The following PRICKLE1 variants were observed in gnomAD, a reference collection of about 807,000 sequenced individuals.
PRICKLE1 encodes the protein prickle planar cell polarity protein 1, also known as prickle-like protein 1.
PRICKLE1 carries 14 observed loss-of-function variants against 70.2 expected under a neutral mutation model. The observed-to-expected ratio is 0.20, with a 90% CI of 0.13 to 0.31. The LOEUF (loss-of-function observed/expected upper bound fraction) is 0.31, where lower values mean the gene tolerates loss of function less well. Among genes scored for constraint, PRICKLE1 ranks in the 10% least tolerant of loss-of-function variants. The pLI, the probability that PRICKLE1 is intolerant of heterozygous loss-of-function variation, is 1.00. For synonymous variants in PRICKLE1, 357 were observed against 379.9 expected, an observed-to-expected ratio of 0.94 and a Z score of 0.70; for missense variants, 821 against 1,026.2, an observed-to-expected ratio of 0.80 and a Z score of 2.73.
intron 1 of PRICKLE1, chr12:42,482,644 A>G (rs1211049429): frequency 6.6e-6 from 1 of 152,252 alleles, no homozygotes; most frequent in Non-Finnish European, 1.5e-5. Context: ...ACTTCAAGAA[A>G]GTGTTTGAGA....
chr12:42,468,557 G>A, intron 5 of PRICKLE1, 69 bp downstream of exon 5: 1 of 1,405,678 alleles, frequency 7.1e-7, no homozygotes, highest in Non-Finnish European at 1.0e-6. Context: ...TTTGCTTGAT[G>A]TAAACAGTGG....
chr12:42,485,916 A>T (rs541107729), intron 1 of PRICKLE1, among the ~76,000 whole-genome samples: 9 of 152,306 alleles, frequency 5.9e-5, no homozygotes, highest in African/African-American at 2.2e-4. Flanking sequence ...CAGTGTGGAG[A>T]CAGTTGCAAG....
Position 42,460,651 on chromosome 12 carries a change from C to T in PRICKLE1, c.1654G>A (p.Gly552Arg). 1.2e-6 allele frequency: 2 copies of T among 1,609,652 alleles called. No individual in the cohort carries two copies. The highest frequency in any genetic ancestry group is 2.2e-5 in the East Asian group (1 of 44,880). The change falls in exon 8 of 8, where the codon GGA becomes AGA. Residue 552 changes from glycine to arginine, a missense_variant. Gly to Arg is a moderately radical substitution (Grantham distance 125, BLOSUM62 -2). Transcript: ENST00000345127. ...LSNITGASVD[G>R]ENKPRPSLYS... ...AATGATGGCCTTGGCTTGTTTTCTCCATCCACCGAAGCCCCTAGAAGAGAG... is the reference window on the plus strand; with the variant it reads ...AATGATGGCCTTGGCTTGTTTTCTCTATCCACCGAAGCCCCTAGAAGAGAG...
intron 1 of PRICKLE1, among the ~76,000 whole-genome samples, chr12:42,488,785 C>G (rs1048280706): frequency 1.3e-5 from 2 of 152,134 alleles, no homozygotes; most frequent in South Asian, 4.2e-4. Flanking sequence ...TATTTAGATA[C>G]TATAAATACC....
At chr12:42,516,201 G>A (rs1210116446) in intron 1 of PRICKLE1, among the ~76,000 whole-genome samples, 4 of 151,692 alleles carry the variant, frequency 2.6e-5, no homozygotes, top group South Asian at 2.1e-4. Context: ...GTGCAATCTC[G>A]GCTCACTGCA....
chr12:42,482,315 T>C (rs935893), intron 1 of PRICKLE1, among the ~76,000 whole-genome samples: 14,155 of 152,292 alleles, frequency 0.093, 793 homozygotes, highest in Middle Eastern at 0.14. Flanking sequence ...TAGGGTCAGA[T>C]TATCCGCACA....
intron 1 of PRICKLE1, among the ~76,000 whole-genome samples, chr12:42,513,239 G>C (rs1939547396): frequency 6.6e-6 from 1 of 152,156 alleles, no homozygotes; most frequent in Non-Finnish European, 1.5e-5. Context: ...TGGGATTACA[G>C]GGGTGAGCCA....
rs888541642 is a variant in PRICKLE1 at position 42,465,169 on chromosome 12, A to G, written c.865T>C (p.Leu289=). ...TGTTTGGGAAGGAAGGGACATCCCAACAAAGAGGCTTTACACTGGGCACAA... is the reference window on the plus strand; with the variant it reads ...TGTTTGGGAAGGAAGGGACATCCCAGCAAAGAGGCTTTACACTGGGCACAA... ...FSCAQCKASL[L]GCPFLPKQGQ... The change falls in exon 7 of 8, where the codon TTG becomes CTG. Residue 289 remains leucine, a synonymous_variant. Transcript: ENST00000345127. 1.3e-6 allele frequency: 2 copies of G among 1,597,734 alleles called. No individual in the cohort carries two copies. Among genetic ancestry groups the G allele is most frequent in the Admixed American group, 1.8e-5 (1 of 55,340 alleles).
At chr12:42,535,547 T>C (rs1940003274) in intron 1 of PRICKLE1, among the ~76,000 whole-genome samples, 1 of 152,146 alleles carries the variant, frequency 6.6e-6, no homozygotes, top group Admixed American at 6.5e-5. Context: ...GAGAAAATTG[T>C]TTGAGAATCC....
At chr12:42,518,863 T>C (rs1395277201) in intron 1 of PRICKLE1, among the ~76,000 whole-genome samples, 1 of 152,200 alleles carries the variant, frequency 6.6e-6, no homozygotes, top group African/African-American at 2.4e-5. Flanking sequence ...ATTACACTTA[T>C]TAATTAGATT....
At chr12:42,529,840 T>C (rs529398145) in intron 1 of PRICKLE1, among the ~76,000 whole-genome samples, 6 of 152,170 alleles carry the variant, frequency 3.9e-5, no homozygotes, top group Non-Finnish European at 7.4e-5. Context: ...TGAGCCAAGA[T>C]TGCTCCACTC....
At chr12:42,461,936 T>C (rs1434521662) in intron 7 of PRICKLE1, among the ~76,000 whole-genome samples, 1 of 151,892 alleles carries the variant, frequency 6.6e-6, no homozygotes, top group African/African-American at 2.4e-5. Flanking sequence ...GTAGCTGGGA[T>C]TACAGGCATG....
chr12:42,582,911 C>G, intron 1 of PRICKLE1, among the ~76,000 whole-genome samples: 1 of 152,070 alleles, frequency 6.6e-6, no homozygotes, highest in Non-Finnish European at 1.5e-5. Flanking sequence ...CCCAGGGAAG[C>G]CAAAAGGTTG....
Position 42,457,177 on chromosome 12 carries a change from CAA to C in PRICKLE1, c.*2630_*2631del, listed in dbSNP as rs11404256. ...GGGCAACAGGAGCGAAACTCCATCTCAAAAAAAAAAAAAAAAGGAAAAGAAAG... is the reference window on the plus strand; with the variant it reads ...GGGCAACAGGAGCGAAACTCCATCTCAAAAAAAAAAAAAAGGAAAAGAAAG... On this transcript the variant is annotated 3_prime_UTR_variant, in exon 8 of 8. Coordinates refer to ENST00000345127, the MANE Select transcript of PRICKLE1 (RefSeq NM_153026.3). 14 of 115,024 alleles carry C rather than the reference CAA, an allele frequency of 1.2e-4. No individual in the cohort carries two copies. Among genetic ancestry groups the C allele is most frequent in the Non-Finnish European group, 1.4e-4 (8 of 55,776 alleles). 7.1% of individuals were successfully genotyped at this position (115,024 alleles called of 1,614,324 possible). A position where few individuals can be genotyped will look rare whatever the true frequency, so the allele number is the denominator to read the frequency against.
intron 7 of PRICKLE1, among the ~76,000 whole-genome samples, chr12:42,463,434 T>C (rs1937939810): frequency 6.6e-6 from 1 of 150,774 alleles, no homozygotes; most frequent in South Asian, 2.1e-4. Context: ...AAAAATGAGC[T>C]TGTGGCCAGG....
intron 1 of PRICKLE1, among the ~76,000 whole-genome samples, chr12:42,585,931 C>T (rs894476674): frequency 1.3e-5 from 2 of 152,126 alleles, no homozygotes. Flanking sequence ...GTCCTTGGAA[C>T]GTGCTGTGGA....
chr12:42,493,046 T>A (rs74238324), intron 1 of PRICKLE1, among the ~76,000 whole-genome samples: 2,604 of 152,278 alleles, frequency 0.017, 71 homozygotes, highest in East Asian at 0.1. Flanking sequence ...TATTTTTTTT[T>A]AAATTTTTAT....
At chr12:42,501,766 T>C (rs989200969) in intron 1 of PRICKLE1, among the ~76,000 whole-genome samples, 4 of 152,152 alleles carry the variant, frequency 2.6e-5, no homozygotes, top group East Asian at 1.9e-4. Flanking sequence ...AGAATAAATA[T>C]GATGATCACA....
chr12:42,464,380 C>A lies in PRICKLE1; in HGVS notation c.1639+15G>T, dbSNP rs778854960. On this transcript the variant is annotated intron_variant, in intron 7 of 7. Transcript: ENST00000345127. The surrounding 1 kb of genome is among the most constrained non-coding windows in gnomAD (Gnocchi z 4.2). The stretch of plus-strand genomic sequence containing the variant: ...CTCCTTTTTTCAAATACCCCATAAT[C>A]CCTAGATTACGTACCTGTGATATTG... The A allele has an allele frequency of 1.1e-5, 17 of 1,614,100 alleles. No individual in the cohort carries two copies. Among genetic ancestry groups the A allele is most frequent in the Non-Finnish European group, 1.4e-5 (16 of 1,180,018 alleles).
Sources: allele counts gnomAD v4.1 joint callset (sites outside exome capture counted in the v4.1 genomes callset), GRCh38; gene constraint gnomAD v4.1.1; non-coding constraint Gnocchi (gnomAD v3.1); transcripts MANE v1.5; gene names NCBI Gene and HGNC (gene_info 2026-07-23, HGNC 2026-07-21).